Variants in INO80D observed in about 807,000 individuals in gnomAD.
INO80D encodes the protein INO80 complex subunit D.
A neutral mutation model predicts 87.6 loss-of-function variants in INO80D; 21 were observed. The ratio of observed to expected loss-of-function variants is 0.24; its 90% CI spans 0.17 to 0.35. The LOEUF (loss-of-function observed/expected upper bound fraction) is 0.35, where lower values mean the gene tolerates loss of function less well. INO80D is among the 10% of genes least tolerant of loss of function. INO80D has a pLI of 1.00. For synonymous variants in INO80D, 440 were observed against 491.0 expected (o/e 0.90, Z 1.37); for missense variants, 982 against 1,280.7 (o/e 0.77, Z 3.56).
In INO80D at chr2:206,006,947, C is replaced by T. The variant is rs1472254896; in HGVS notation, c.1918+337G>A. Among the ~76,000 whole-genome samples, 7 of 151,916 alleles carry T rather than the reference C, an allele frequency of 4.6e-5. No individual in the cohort carries two copies. In the East Asian group the frequency reaches 1.4e-3, roughly 29 times the overall value. ...CTGAAATCCCAGCTACTCGGGAGGC[C>T]GAGGCGAAAGAATCGCTTGAACCCG... On this transcript the variant is annotated intron_variant, in intron 10 of 10. Transcript: ENST00000403263.
intron 10 of INO80D, 72 bp downstream of exon 10, chr2:206,007,212 T>G: frequency 7.3e-7 from 1 of 1,372,950 alleles, no homozygotes; most frequent in South Asian, 1.2e-5. Context: ...TAAACACATC[T>G]CAAAACACTA....
intron 8 of INO80D, among the ~76,000 whole-genome samples, chr2:206,012,365 G>C (rs969439961): frequency 6.6e-6 from 1 of 152,088 alleles, no homozygotes; most frequent in African/African-American, 2.4e-5. Flanking sequence ...ACACTCAAAA[G>C]TGAATTCAAT....
intron 3 of INO80D, among the ~76,000 whole-genome samples, chr2:206,058,376 G>C (rs1292296965): frequency 2.1e-5 from 3 of 141,024 alleles, no homozygotes; most frequent in African/African-American, 8.3e-5. Context: ...CCGAGATGGT[G>C]CCACTGCACT....
intron 8 of INO80D, among the ~76,000 whole-genome samples, chr2:206,010,083 A>ACACACACACACACG (rs142314785): frequency 0.13 from 19,790 of 151,016 alleles, 1,525 homozygotes; most frequent in Non-Finnish European, 0.19. Context: ...ACACACACAC[A>ACACACACACACACG]CACGCACACA....
rs1389539789 is a variant in INO80D, at chr2:206,085,501, GGGGGACTCGA to G, written c.-124+390_-124+399del. 1 of 151,022 alleles carries G rather than the reference GGGGGACTCGA, an allele frequency of 6.6e-6. No homozygotes were observed. Among genetic ancestry groups the G allele is most frequent in the Non-Finnish European group, 1.5e-5 (1 of 67,684 alleles). 9.4% of individuals were successfully genotyped at this position (151,022 alleles called of 1,614,324 possible). On this transcript the variant is annotated intron_variant, in intron 1 of 10. Coordinates refer to ENST00000403263, the MANE Select transcript of INO80D (RefSeq NM_017759.5). The surrounding 1 kb of genome is among the most constrained non-coding windows in gnomAD (Gnocchi z 4.5). ...CGCCGCCGTCCCACCCGGAGACCCCGGGGGACTCGAGGGGGCGCGCGGAGGCCCGGGGTGC... is the reference window on the plus strand; with the variant it reads ...CGCCGCCGTCCCACCCGGAGACCCCGGGGGGCGCGCGGAGGCCCGGGGTGC...
At chr2:206,050,754 G>A (rs1006477098) in intron 4 of INO80D, among the ~76,000 whole-genome samples, 3 of 152,010 alleles carry the variant, frequency 2.0e-5, no homozygotes, top group Non-Finnish European at 2.9e-5. Flanking sequence ...GGATCACGAG[G>A]TCAGGAGATT....
intron 10 of INO80D, among the ~76,000 whole-genome samples, chr2:206,006,798 G>A (rs988433697): frequency 6.6e-6 from 1 of 152,108 alleles, no homozygotes; most frequent in Non-Finnish European, 1.5e-5. Flanking sequence ...TGTAATCCCA[G>A]CACTTTGGGA....
intron 1 of INO80D, among the ~76,000 whole-genome samples, chr2:206,084,121 A>G (rs756630105): frequency 2.6e-5 from 4 of 151,728 alleles, no homozygotes; most frequent in Non-Finnish European, 4.4e-5. Context: ...AAATATAGCT[A>G]AAATTGAATC....
chr2:206,016,626 C>T lies in INO80D; in HGVS notation c.1542+1054G>A, dbSNP rs540729217. Among the ~76,000 whole-genome samples the T allele has an allele frequency of 9.9e-5, 15 of 152,272 alleles. 1 individual carries two copies. The highest frequency in any genetic ancestry group is 2.4e-4 in the African/African-American group (10 of 41,556). ...TGGGATGTGCCAGGGCAGAATGATA[C>T]GGTTTGACTCTGTGTCCCCACCCAA... On this transcript the variant is annotated intron_variant, in intron 8 of 10. Coordinates refer to ENST00000403263, the MANE Select transcript of INO80D (RefSeq NM_017759.5).
intron 8 of INO80D, among the ~76,000 whole-genome samples, chr2:206,016,392 T>C (rs1380812176): frequency 6.6e-6 from 1 of 152,186 alleles, no homozygotes; most frequent in African/African-American, 2.4e-5. Context: ...TGTACCCCCA[T>C]TGTATCTAGG....
intron 8 of INO80D, among the ~76,000 whole-genome samples, chr2:206,010,062 T>TACAC (rs144790541): frequency 0.019 from 2,765 of 149,066 alleles, 39 homozygotes; most frequent in African/African-American, 0.037. Context: ...TGACACTGTC[T>TACAC]ACACACACAC....
At chr2:206,044,071 T>C (rs768850924) in intron 5 of INO80D, among the ~76,000 whole-genome samples, 29 of 152,150 alleles carry the variant, frequency 1.9e-4, no homozygotes, top group Non-Finnish European at 3.2e-4. Context: ...TGCACACCTG[T>C]AGTTCCAGCT....
chr2:206,021,593 G>C (rs1432197402), intron 6 of INO80D, among the ~76,000 whole-genome samples: 1 of 152,082 alleles, frequency 6.6e-6, no homozygotes, highest in Non-Finnish European at 1.5e-5. Context: ...TAAATAGAAA[G>C]GTCTCCATAT....
chr2:206,026,530 G>T (rs1393988550), intron 6 of INO80D, among the ~76,000 whole-genome samples: 1 of 150,618 alleles, frequency 6.6e-6, no homozygotes, highest in African/African-American at 2.4e-5. Flanking sequence ...TGGGTGACAG[G>T]GCAAGGCTCC....
At position 206,029,053 on chromosome 2, in the gene INO80D, A is replaced by G. The variant is rs1228888587; in HGVS notation, c.1074-718T>C. Among the ~76,000 whole-genome samples the G allele has an allele frequency of 3.3e-5, 5 of 151,894 alleles. No homozygotes were observed. The Middle Eastern group carries it at 0.014, about 413-fold the overall frequency. ...CAGGTGTCTGCCACCACGCCTGGCT[A>G]ATTTTTTTGTATTTTTAATAGAGAC... On this transcript the variant is annotated intron_variant, in intron 5 of 10. Transcript: ENST00000403263.
At chr2:206,084,200 TAC>T (rs1690365613) in intron 1 of INO80D, among the ~76,000 whole-genome samples, 1 of 149,216 alleles carries the variant, frequency 6.7e-6, no homozygotes, top group African/African-American at 2.5e-5. Context: ...ATAAAATATA[TAC>T]ATACACATAT....
chr2:206,078,996 C>A (rs916721150), intron 1 of INO80D, among the ~76,000 whole-genome samples: 2 of 151,924 alleles, frequency 1.3e-5, no homozygotes, highest in Non-Finnish European at 2.9e-5. Context: ...TCTGTTTCCT[C>A]ATGTATGAAA....
chr2:206,003,673 A>G lies in INO80D; in HGVS notation c.*695T>C, dbSNP rs2105790780. On this transcript the variant is annotated 3_prime_UTR_variant, in exon 11 of 11. Coordinates refer to ENST00000403263, the MANE Select transcript of INO80D (RefSeq NM_017759.5). ...GGACCAACCTTATTAGGACTGTGAG[A>G]TGTAGGACAGGAGAAAAGTAAGAGT... is the stretch of plus-strand genomic sequence containing the variant. 1 of 152,846 alleles carries G rather than the reference A, an allele frequency of 6.5e-6. No homozygotes were observed. The highest frequency in any genetic ancestry group is 1.9e-4 in the East Asian group (1 of 5,180). The allele number at this position is 152,846 out of a possible 1,614,324, so 9.5% of individuals were successfully genotyped here.
chr2:206,012,605 C>T (rs532669662), intron 8 of INO80D, among the ~76,000 whole-genome samples: 1 of 152,130 alleles, frequency 6.6e-6, no homozygotes, highest in South Asian at 2.1e-4. Context: ...GTGGCTCAGG[C>T]CTGTAAGATC....
Sources: allele counts gnomAD v4.1 joint callset (sites outside exome capture counted in the v4.1 genomes callset), GRCh38; gene constraint gnomAD v4.1.1; non-coding constraint Gnocchi (gnomAD v3.1); transcripts MANE v1.5; gene names NCBI Gene and HGNC (gene_info 2026-07-23, HGNC 2026-07-21).